LGSN: variants seen among roughly 807,000 people sequenced by gnomAD.
The protein encoded by LGSN is lengsin, lens protein with glutamine synthetase domain.
In LGSN, 21 loss-of-function variants were observed where a neutral mutation model predicts 19.5. That is an observed-to-expected ratio of 1.07 (90% CI 0.76 to 1.55). The LOEUF (loss-of-function observed/expected upper bound fraction) is 1.55. LGSN is among the 40% of genes most tolerant of loss of function. The probability of loss-of-function intolerance (pLI) is 0.00; values close to 1 mark genes in which losing one functional copy is unlikely to be tolerated. For missense variants in LGSN, 673 were observed against 608.5 expected (o/e 1.11, Z -1.12); for synonymous variants, 257 against 215.6 (o/e 1.19, Z -1.68).
chr6:63,382,492 G>A, the LGSN span, among the ~76,000 whole-genome samples: 1 of 152,276 alleles, frequency 6.6e-6, no homozygotes, highest in South Asian at 2.1e-4. Context: ...CTGCCCAGGT[G>A]TTCTCTGTTG....
At chr6:63,286,357 ATGAG>A (rs924684130) in intron 2 of LGSN, among the ~76,000 whole-genome samples, 1 of 152,188 alleles carries the variant, frequency 6.6e-6, no homozygotes, top group Admixed American at 6.5e-5. Context: ...TTTTTTAAGA[ATGAG>A]AGTGTAGGAG....
upstream of LGSN, among the ~76,000 whole-genome samples, chr6:63,321,123 T>A (rs140874328): frequency 4.5e-4 from 69 of 152,310 alleles, no homozygotes; most frequent in African/African-American, 1.6e-3. Context: ...ATCCTAGTAT[T>A]TGACTTGCTC....
At chr6:63,352,288 C>T in the LGSN span, among the ~76,000 whole-genome samples, 2 of 152,142 alleles carry the variant, frequency 1.3e-5, no homozygotes, top group Admixed American at 1.3e-4. Flanking sequence ...ATGCGCAAAT[C>T]CATTGTTTTG....
At chr6:63,365,512 A>G in the LGSN span, among the ~76,000 whole-genome samples, 801 of 152,282 alleles carry the variant, frequency 5.3e-3, 9 homozygotes, top group African/African-American at 0.019. Context: ...AGAGGTACAA[A>G]GAGGAGTTGG....
At chr6:63,569,808 A>C in the LGSN span, among the ~76,000 whole-genome samples, 1 of 152,174 alleles carries the variant, frequency 6.6e-6, no homozygotes, top group African/African-American at 2.4e-5. Context: ...GATGTCTGGA[A>C]GCACTATTTT....
At chr6:63,298,373 T>C (rs1768059655) in intron 1 of LGSN, among the ~76,000 whole-genome samples, 1 of 152,222 alleles carries the variant, frequency 6.6e-6, no homozygotes, top group South Asian at 2.1e-4. Flanking sequence ...TTAGACTCAA[T>C]AACTAATTGG....
At chr6:63,483,233 G>A in the LGSN span, among the ~76,000 whole-genome samples, 2 of 152,130 alleles carry the variant, frequency 1.3e-5, no homozygotes, top group Non-Finnish European at 2.9e-5. Context: ...TGTAACCAAA[G>A]GTCCAGATTC....
chr6:63,402,920 T>C, the LGSN span, among the ~76,000 whole-genome samples: 1 of 152,090 alleles, frequency 6.6e-6, no homozygotes, highest in Non-Finnish European at 1.5e-5. Context: ...CCCTCAAAAA[T>C]AAGAAATTTT....
the LGSN span, among the ~76,000 whole-genome samples, chr6:63,495,469 T>TTTTTTTTTTTTTTTTTTTTG: frequency 3.7e-3 from 447 of 119,244 alleles, no homozygotes; most frequent in African/African-American, 7.2e-3. Context: ...TTTTTTTTTT[T>TTTTTTTTTTTTTTTTTTTTG]TTTTTTTGAG....
chr6:63,294,727 G>A (rs1000182652), intron 2 of LGSN, among the ~76,000 whole-genome samples, 186 bp downstream of exon 2: 1 of 150,644 alleles, frequency 6.6e-6, no homozygotes, highest in Non-Finnish European at 1.5e-5. Flanking sequence ...TATTTTGATT[G>A]GTTATTTTTA....
intron 1 of LGSN, among the ~76,000 whole-genome samples, chr6:63,312,160 A>G (rs749874477): frequency 6.6e-6 from 1 of 152,186 alleles, no homozygotes; most frequent in Non-Finnish European, 1.5e-5. Flanking sequence ...ATACTATCCC[A>G]TTGTGTATAT....
At chr6:63,326,124 G>C in the LGSN span, among the ~76,000 whole-genome samples, 1 of 152,056 alleles carries the variant, frequency 6.6e-6, no homozygotes, top group African/African-American at 2.4e-5. Context: ...GGCCCCACCA[G>C]AGTAGCTAGA....
chr6:63,509,771 C>G, the LGSN span, among the ~76,000 whole-genome samples: 1 of 152,204 alleles, frequency 6.6e-6, no homozygotes, highest in Non-Finnish European at 1.5e-5. Context: ...ACACATGCCT[C>G]TGTTTTACAA....
At chr6:63,322,214 C>T (rs998853674), upstream of LGSN, among the ~76,000 whole-genome samples, 3 of 152,088 alleles carry the variant, frequency 2.0e-5, no homozygotes, top group African/African-American at 7.2e-5. Context: ...AATGAAATCA[C>T]AATGAATCTG....
the LGSN span, among the ~76,000 whole-genome samples, chr6:63,428,706 C>G: frequency 6.6e-6 from 1 of 152,208 alleles, no homozygotes; most frequent in Admixed American, 6.5e-5. Flanking sequence ...ACAACAACTT[C>G]TAGATAGACA....
the LGSN span, among the ~76,000 whole-genome samples, chr6:63,570,647 C>T: frequency 6.6e-6 from 1 of 152,192 alleles, no homozygotes; most frequent in Admixed American, 6.5e-5. Flanking sequence ...TATATCTTGT[C>T]CCACCAAATG....
chr6:63,347,629 C>A, the LGSN span, among the ~76,000 whole-genome samples: 1 of 152,134 alleles, frequency 6.6e-6, no homozygotes, highest in Non-Finnish European at 1.5e-5. Context: ...CTAGAGAGGT[C>A]TCTAAGATAA....
the LGSN span, among the ~76,000 whole-genome samples, chr6:63,435,769 G>T: frequency 3.3e-5 from 5 of 151,682 alleles, no homozygotes; most frequent in African/African-American, 1.2e-4. Context: ...AAATCGAATT[G>T]AATATTTAAT....
At chr6:63,460,100 C>CTTTTTT in the LGSN span, among the ~76,000 whole-genome samples, 618 of 56,236 alleles carry the variant, frequency 0.011, 8 homozygotes, top group Non-Finnish European at 0.014. Context: ...ATTTCATTCC[C>CTTTTTT]TTTTTTTTTT....
Sources: allele counts gnomAD v4.1 joint callset (sites outside exome capture counted in the v4.1 genomes callset), GRCh38; gene constraint gnomAD v4.1.1; transcripts MANE v1.5; gene names NCBI Gene and HGNC (gene_info 2026-07-23, HGNC 2026-07-21).